GIPC2: variants seen among roughly 807,000 people sequenced by gnomAD.
The protein encoded by GIPC2 is GIPC PDZ domain containing family member 2, also known as PDZ domain-containing protein GIPC2.
In GIPC2, 30 loss-of-function variants were observed where a neutral mutation model predicts 30.6. The ratio of observed to expected loss-of-function variants is 0.98; its 90% CI spans 0.73 to 1.33. The LOEUF is 1.33. GIPC2 is among the 40% of genes most tolerant of loss of function. The probability of loss-of-function intolerance (pLI) is 0.00; values close to 1 mark genes in which losing one functional copy is unlikely to be tolerated. For synonymous variants in GIPC2, 167 were observed against 150.0 expected, an observed-to-expected ratio of 1.11 and a Z score of -0.83; for missense variants, 414 against 390.3, an observed-to-expected ratio of 1.06 and a Z score of -0.51.
At chr1:78,091,957 C>CAAA in intron 2 of GIPC2, 1 of 1,113,408 alleles carries the variant, frequency 9.0e-7, no homozygotes, top group Non-Finnish European at 1.4e-6. Flanking sequence ...ATTTTTGCTT[C>CAAA]TTCTTCGTTT....
At chr1:78,077,467 T>C (rs1255961452) in intron 1 of GIPC2, among the ~76,000 whole-genome samples, 3 of 152,176 alleles carry the variant, frequency 2.0e-5, no homozygotes, top group Non-Finnish European at 4.4e-5. Context: ...TAGGCAATGA[T>C]GGCAGTAAAG....
intron 5 of GIPC2, among the ~76,000 whole-genome samples, chr1:78,132,118 G>A (rs1328946815): frequency 6.6e-6 from 1 of 152,144 alleles, no homozygotes; most frequent in South Asian, 2.1e-4. Flanking sequence ...TTGGAGCTTT[G>A]GCCCTTGGGC....
In GIPC2 at chr1:78,137,625, G is replaced by T. The variant is rs1393886997; in HGVS notation, c.*1882G>T. On this transcript the variant is annotated 3_prime_UTR_variant, in exon 6 of 6. Coordinates refer to ENST00000370759, the MANE Select transcript of GIPC2 (RefSeq NM_017655.6). ...TGTAACTATATATACTTGTCTGTTAGCATTCAGTGGACCATTATCATTACT... is the reference window on the plus strand; with the variant it reads ...TGTAACTATATATACTTGTCTGTTATCATTCAGTGGACCATTATCATTACT... The T allele has an allele frequency of 6.6e-6, 1 of 152,108 alleles. No homozygotes were observed. Among genetic ancestry groups the T allele is most frequent in the African/African-American group, 2.4e-5 (1 of 41,412 alleles). The allele number at this position is 152,108 out of a possible 1,614,324, so 9.4% of individuals were successfully genotyped here. A position where few individuals can be genotyped will look rare whatever the true frequency, so the allele number is the denominator to read the frequency against.
chr1:78,124,605 C>T (rs1236100189), intron 4 of GIPC2, among the ~76,000 whole-genome samples: 1 of 152,202 alleles, frequency 6.6e-6, no homozygotes, highest in East Asian at 1.9e-4. Flanking sequence ...CTACATGGGA[C>T]TTCTGGCATC....
chr1:78,045,016 G>A, upstream of GIPC2: 8 of 845,064 alleles, frequency 9.5e-6, no homozygotes, highest in Non-Finnish European at 1.0e-5. Flanking sequence ...AAGGAGCAGG[G>A]TGGGGACGGG....
At chr1:78,049,482 G>A (rs1249466725) in intron 1 of GIPC2, among the ~76,000 whole-genome samples, 1 of 152,172 alleles carries the variant, frequency 6.6e-6, no homozygotes, top group Non-Finnish European at 1.5e-5. Context: ...TGTCAGTGGG[G>A]ACAAAAACAT....
At chr1:78,131,130 T>A (rs2100452164) in intron 5 of GIPC2, among the ~76,000 whole-genome samples, 1 of 146,746 alleles carries the variant, frequency 6.8e-6, no homozygotes, top group East Asian at 2.7e-4. Flanking sequence ...ACATTTACTA[T>A]TTTTTAAATC....
In GIPC2 at chr1:78,094,999, T is replaced by G; in HGVS notation, c.474T>G (p.Val158=). ...GVIDSVKTIC[V]GDHIESINGE... ...TTGACTCAGTTAAAACAATCTGTGT[T>G]GGGGATCATATTGAATCCATAAATG... The change falls in exon 3 of 6, where the codon GTT becomes GTG. Residue 158 remains valine (V), a synonymous_variant. Coordinates refer to ENST00000370759, the MANE Select transcript of GIPC2 (RefSeq NM_017655.6). 1 of 1,606,526 alleles carries G rather than the reference T, an allele frequency of 6.2e-7. No individual in the cohort carries two copies. The highest frequency in any genetic ancestry group is 1.1e-5 in the South Asian group (1 of 90,892).
intron 2 of GIPC2, among the ~76,000 whole-genome samples, chr1:78,081,342 T>G: frequency 6.6e-6 from 1 of 152,306 alleles, no homozygotes; most frequent in East Asian, 1.9e-4. Context: ...TTAAAGGTAG[T>G]TGAAAAAATG....
intron 1 of GIPC2, among the ~76,000 whole-genome samples, chr1:78,054,667 C>T (rs1233139022): frequency 6.6e-6 from 1 of 152,062 alleles, no homozygotes; most frequent in African/African-American, 2.4e-5. Flanking sequence ...CTTGATATCC[C>T]CTCCTGAGCA....
intron 1 of GIPC2, among the ~76,000 whole-genome samples, chr1:78,050,913 C>T (rs1190858136): frequency 6.6e-6 from 1 of 152,068 alleles, no homozygotes; most frequent in African/African-American, 2.4e-5. Flanking sequence ...AGATTACAGG[C>T]GTGAGCCACC....
chr1:78,061,408 G>A (rs901073382), intron 1 of GIPC2, among the ~76,000 whole-genome samples: 2 of 152,124 alleles, frequency 1.3e-5, no homozygotes, highest in Non-Finnish European at 2.9e-5. Context: ...GGTGTGTGGA[G>A]TATTCTGAGG....
intron 2 of GIPC2, among the ~76,000 whole-genome samples, chr1:78,093,670 A>C (rs1360967701): frequency 1.3e-5 from 2 of 152,202 alleles, no homozygotes; most frequent in Non-Finnish European, 2.9e-5. Context: ...CACAATGATC[A>C]ATCACCCTGC....
intron 3 of GIPC2, among the ~76,000 whole-genome samples, chr1:78,100,951 C>A (rs199637915): frequency 2.3e-5 from 3 of 133,120 alleles, no homozygotes; most frequent in Non-Finnish European, 4.6e-5. Context: ...TACACACACA[C>A]ACACACACAC....
At chr1:78,082,211 C>G (rs1661844063) in intron 2 of GIPC2, among the ~76,000 whole-genome samples, 1 of 152,110 alleles carries the variant, frequency 6.6e-6, no homozygotes, top group Admixed American at 6.6e-5. Context: ...TGGACACATT[C>G]AGGATTTGGA....
At chr1:78,117,192 A>G (rs1316517724) in intron 3 of GIPC2, among the ~76,000 whole-genome samples, 1 of 152,242 alleles carries the variant, frequency 6.6e-6, no homozygotes, top group East Asian at 1.9e-4. Context: ...ATGAACAGAC[A>G]CTTCTCAAAA....
intron 1 of GIPC2, among the ~76,000 whole-genome samples, chr1:78,069,620 C>G (rs896042491): frequency 2.0e-4 from 31 of 151,724 alleles, no homozygotes; most frequent in African/African-American, 7.3e-4. Flanking sequence ...ATTACAGGCA[C>G]CTGCCACCAC....
At chr1:78,132,239 CAT>C (rs1228299146) in intron 5 of GIPC2, among the ~76,000 whole-genome samples, 1 of 152,180 alleles carries the variant, frequency 6.6e-6, no homozygotes, top group African/African-American at 2.4e-5. Context: ...CCTGTCACAT[CAT>C]AAATAATAAT....
At chr1:78,102,723 A>G (rs1349983586) in intron 3 of GIPC2, among the ~76,000 whole-genome samples, 1 of 152,240 alleles carries the variant, frequency 6.6e-6, no homozygotes, top group African/African-American at 2.4e-5. Flanking sequence ...ATTAAACATG[A>G]AAGAATCATA....
Sources: gnomAD v4.1 joint callset for allele counts (sites outside exome capture counted in the v4.1 genomes callset) on GRCh38, gnomAD v4.1.1 for gene constraint, MANE v1.5 for transcripts, NCBI Gene and HGNC (gene_info 2026-07-23, HGNC 2026-07-21) for gene names.